Variants in KIF18B observed in about 807,000 individuals in gnomAD.
The protein encoded by KIF18B is kinesin family member 18B.
In KIF18B, 49 loss-of-function variants were observed where a neutral mutation model predicts 80.9. That is an observed-to-expected ratio of 0.61 (90% CI 0.48 to 0.77). The LOEUF is 0.77. KIF18B is among the 30% of genes least tolerant of loss of function. The probability of loss-of-function intolerance (pLI) is 0.00; values close to 1 mark genes in which losing one functional copy is unlikely to be tolerated. For missense variants in KIF18B, 994 were observed against 1,127.7 expected (o/e 0.88, Z 1.70); for synonymous variants, 439 against 463.9 (o/e 0.95, Z 0.69).
chr17:44,941,340 C>CTTTTTT (rs36121835), intron 1 of KIF18B, among the ~76,000 whole-genome samples: 4 of 134,714 alleles, frequency 3.0e-5, no homozygotes, highest in Non-Finnish European at 4.7e-5. Flanking sequence ...TTTTCTTTTT[C>CTTTTTT]TTTTTTTTTT....
In KIF18B at chr17:44,928,201, G is replaced by A; in HGVS notation, c.2101C>T (p.Leu701=). ...CAGTTCTGCATGGCGGAAGGGCCCAGGGGCACCCGGCTTTTGATGACTGTG... is the reference window on the plus strand; with the variant it reads ...CAGTTCTGCATGGCGGAAGGGCCCAAGGGCACCCGGCTTTTGATGACTGTG... ...PATVIKSRVP[L]GPSAMQNCST... Residue 701 remains leucine, a synonymous_variant, in exon 13 of 16, where the codon CTG becomes TTG. Coordinates refer to ENST00000593135, the MANE Select transcript of KIF18B (RefSeq NM_001265577.2). The A allele has an allele frequency of 9.9e-6, 16 of 1,612,694 alleles. No homozygotes were observed. The highest frequency in any genetic ancestry group is 1.3e-5 in the Non-Finnish European group (15 of 1,179,250).
Position 44,932,793 on chromosome 17 carries a change from G to T in KIF18B, c.1138-20C>A, listed in dbSNP as rs375961294. On this transcript the variant is annotated intron_variant, in intron 8 of 15. Transcript: ENST00000593135. ...GGCTACCTGGAACAGAAGCAGCCCA[G>T]CCCCTGAGAGCCCCAGCTAAGCACA... 8.1e-6 allele frequency: 13 copies of T among 1,600,676 alleles called. No homozygotes were observed. Among genetic ancestry groups the T allele is most frequent in the South Asian group, 1.1e-5 (1 of 90,252 alleles).
rs2052224910 is a variant in KIF18B at position 44,934,212 on chromosome 17, T to C, written c.885+21A>G. 6.2e-7 allele frequency: 1 copy of C among 1,602,672 alleles called. No individual in the cohort carries two copies. Among genetic ancestry groups the C allele is most frequent in the East Asian group, 2.2e-5 (1 of 44,664 alleles). On this transcript the variant is annotated intron_variant, in intron 6 of 15. Transcript: ENST00000593135. The surrounding 1 kb of genome is among the most constrained non-coding windows in gnomAD (Gnocchi z 5.4). Reference sequence around the variant, plus strand: ...TGCTCAGTTGCTATCCTGGGGAGAATACTGGCCTGTGCTGCTTTACCTTTG... The same window carrying C: ...TGCTCAGTTGCTATCCTGGGGAGAACACTGGCCTGTGCTGCTTTACCTTTG...
intron 1 of KIF18B, among the ~76,000 whole-genome samples, chr17:44,943,116 T>C (rs1342879051): frequency 1.3e-5 from 2 of 152,194 alleles, no homozygotes; most frequent in Non-Finnish European, 2.9e-5. Flanking sequence ...TGTTTTTTTT[T>C]TGAGGGAGAG....
chr17:44,935,688 G>A (rs913982535), intron 2 of KIF18B, among the ~76,000 whole-genome samples: 5 of 152,166 alleles, frequency 3.3e-5, no homozygotes, highest in Admixed American at 2.6e-4. Flanking sequence ...GGTGTTGAAG[G>A]CTCACAGTTA....
rs1350859290 is a variant in KIF18B at position 44,936,213 on chromosome 17, C to G, written c.132G>C (p.Glu44Asp). 3 of 1,610,958 alleles carry G rather than the reference C, an allele frequency of 1.9e-6. No homozygotes were observed. Among genetic ancestry groups the G allele is most frequent in the African/African-American group, 2.7e-5 (2 of 74,860 alleles). ...TCAGGCCAGGGAACCCTCCATCGGG[C>G]TCCTCAGGGTTAAACACCAGCACCC... ...DERVLVFNPE[E>D]PDGGFPGLKW... The change falls in exon 2 of 16, where the codon GAG becomes GAC. Residue 44 changes from glutamate (E) to aspartate (D), a missense_variant. Glu to Asp is a conservative substitution (Grantham distance 45, BLOSUM62 2). Transcript: ENST00000593135.
chr17:44,940,059 G>T (rs187054276), intron 1 of KIF18B, among the ~76,000 whole-genome samples: 33 of 152,342 alleles, frequency 2.2e-4, no homozygotes, highest in African/African-American at 7.2e-4. Context: ...GGGATTACAG[G>T]CGTGAGCCAC....
intron 14 of KIF18B, 134 bp downstream of exon 14, chr17:44,926,855 C>G: frequency 1.3e-6 from 1 of 763,626 alleles, no homozygotes; most frequent in Non-Finnish European, 2.2e-6. Context: ...GCGGGCCCTG[C>G]TCACAGGACC....
intron 9 of KIF18B, 49 bp from the exon 10 acceptor site, chr17:44,932,255 G>A: frequency 6.5e-7 from 1 of 1,540,018 alleles, no homozygotes; most frequent in Non-Finnish European, 8.7e-7. Flanking sequence ...AAGCGGGAAA[G>A]GAGGGTTTGA....
chr17:44,935,953 G>C, intron 2 of KIF18B, 79 bp downstream of exon 2: 1 of 1,350,060 alleles, frequency 7.4e-7, no homozygotes, highest in Non-Finnish European at 1.0e-6. Flanking sequence ...GCGGGCACAT[G>C]CCAGAAGACA....
intron 1 of KIF18B, among the ~76,000 whole-genome samples, chr17:44,937,502 T>G (rs771413627): frequency 6.6e-6 from 1 of 152,210 alleles, no homozygotes; most frequent in Non-Finnish European, 1.5e-5. Flanking sequence ...GTATTTTATG[T>G]ACTTAATTGC....
In KIF18B at chr17:44,928,485, G is replaced by A; in HGVS notation, c.1817C>T (p.Thr606Ile). Residue 606 changes from threonine (T) to isoleucine (I), a missense_variant, in exon 13 of 16, where the codon ACC (threonine) becomes ATC (isoleucine). Transcript: ENST00000593135. The part of the protein sequence containing the change: ...MARRLSGPLH[T>I]LGIPPGPNCT... ...GTTGGGTCCAGGCGGGATTCCCAGG[G>A]TGTGCAGGGGGCCACTCAGTCGCCT... 1 of 1,517,378 alleles carries A rather than the reference G, an allele frequency of 6.6e-7. No individual in the cohort carries two copies. The highest frequency in any genetic ancestry group is 2.1e-5 in the Admixed American group (1 of 47,926). The allele number at this position is 1,517,378 out of a possible 1,614,324, so 94.0% of individuals were successfully genotyped here. A position where few individuals can be genotyped will look rare whatever the true frequency, so the allele number is the denominator to read the frequency against.
intron 1 of KIF18B, among the ~76,000 whole-genome samples, chr17:44,936,588 CTCTCTCTCTCTATATATA>C (rs1346820147): frequency 1.0e-4 from 6 of 58,640 alleles, no homozygotes; most frequent in African/African-American, 3.4e-4. Flanking sequence ...CTCTCTCTCT[CTCTCTCTCTCTATATATA>C]TATATATATA....
intron 14 of KIF18B, 39 bp from the exon 15 acceptor site, chr17:44,926,538 C>G (rs9911406): frequency 0.093 from 142,886 of 1,530,504 alleles, 8,031 homozygotes; most frequent in South Asian, 0.22. Context: ...GGTTACGGCC[C>G]TGTCTCTGGA....
intron 9 of KIF18B, 129 bp from the exon 10 acceptor site, chr17:44,932,335 A>G: frequency 9.5e-7 from 1 of 1,050,880 alleles, no homozygotes; most frequent in Non-Finnish European, 1.3e-6. Context: ...GGTCGTATAG[A>G]GTCCATAAGG....
At chr17:44,929,469 T>C (rs1481845990) in intron 11 of KIF18B, among the ~76,000 whole-genome samples, 2 of 151,954 alleles carry the variant, frequency 1.3e-5, no homozygotes, top group African/African-American at 2.4e-5. Flanking sequence ...AGTTTCCCAC[T>C]CACATCCTGG....
intron 1 of KIF18B, among the ~76,000 whole-genome samples, chr17:44,936,592 CTCTCTCTA>C (rs1450485564): frequency 0.011 from 579 of 53,014 alleles, 2 homozygotes; most frequent in Non-Finnish European, 0.014. Context: ...CTCTCTCTCT[CTCTCTCTA>C]TATATATATA....
rs199812494 is a variant in KIF18B, at chr17:44,934,410, G to A, written c.708C>T (p.Asp236=). ...CAGCCTGGGTCAGTCCTGGAACCCGGTCCTGCTGCTTCACAAAGATCTGAA... is the reference window on the plus strand; with the variant it reads ...CAGCCTGGGTCAGTCCTGGAACCCGATCCTGCTGCTTCACAAAGATCTGAA... ...AIFQIFVKQQ[D]RVPGLTQAVQ... is the part of the protein sequence containing the mutation. The change falls in exon 6 of 16, where the codon GAC becomes GAT. Residue 236 remains aspartate, a synonymous_variant. Coordinates refer to ENST00000593135, the MANE Select transcript of KIF18B (RefSeq NM_001265577.2). This position sits in a 1 kb window ranked among gnomAD's most constrained non-coding sequence, Gnocchi z 5.4. 2.0e-3 allele frequency: 3,262 copies of A among 1,606,240 alleles called. 10 individuals are homozygous for A. The highest frequency in any genetic ancestry group is 4.1e-3 in the Middle Eastern group (25 of 6,054).
At chr17:44,947,113 CAAAAA>C (rs57955845) in intron 1 of KIF18B, among the ~76,000 whole-genome samples, 8 of 54,004 alleles carry the variant, frequency 1.5e-4, no homozygotes, top group East Asian at 5.2e-4. Context: ...ACTCCATCTC[CAAAAA>C]AAAAAAAAAA....
Sources: allele counts gnomAD v4.1 joint callset (sites outside exome capture counted in the v4.1 genomes callset), GRCh38; gene constraint gnomAD v4.1.1; non-coding constraint Gnocchi (gnomAD v3.1); transcripts MANE v1.5; gene names NCBI Gene and HGNC (gene_info 2026-07-23, HGNC 2026-07-21).